CRB1: variants seen among roughly 807,000 people sequenced by gnomAD.
The protein encoded by CRB1 is crumbs cell polarity complex component 1, also known as protein crumbs homolog 1.
Under a neutral mutation model 120.0 loss-of-function variants are expected in CRB1, and 83 were observed. The ratio of observed to expected loss-of-function variants is 0.69; its 90% confidence interval spans 0.58 to 0.83. The LOEUF (loss-of-function observed/expected upper bound fraction) is 0.83, where lower values mean the gene tolerates loss of function less well. Among genes scored for constraint, CRB1 ranks in the 40% least tolerant of loss-of-function variants. The pLI, the probability that CRB1 is intolerant of heterozygous loss-of-function variation, is 0.00. For missense variants in CRB1, 1,699 were observed against 1,687.6 expected (o/e 1.01, Z -0.12); for synonymous variants, 625 against 612.5 (o/e 1.02, Z -0.30).
chr1:197,357,242 A>G (rs1660536062), intron 5 of CRB1: 2 of 603,092 alleles, frequency 3.3e-6, no homozygotes, highest in Non-Finnish European at 6.0e-6. Flanking sequence ...AAGGGATGAC[A>G]TTTTTATATG....
the CRB1 span, among the ~76,000 whole-genome samples, chr1:197,252,690 C>T: frequency 1.4e-5 from 2 of 147,888 alleles, no homozygotes; most frequent in Non-Finnish European, 3.0e-5. Context: ...GGAATTGGCT[C>T]ATGTGATTAT....
intron 5 of CRB1, among the ~76,000 whole-genome samples, chr1:197,365,890 C>T (rs560690009): frequency 7.2e-5 from 11 of 152,108 alleles, no homozygotes; most frequent in Middle Eastern, 3.4e-3. Context: ...CTTCCTCTTC[C>T]ACCTTTCAGA....
intron 4 of CRB1, among the ~76,000 whole-genome samples, chr1:197,353,558 T>C (rs1251587700): frequency 6.6e-6 from 1 of 152,162 alleles, no homozygotes; most frequent in African/African-American, 2.4e-5. Flanking sequence ...CCTAGCACTT[T>C]GGGAGGCCGA....
chr1:197,422,490 G>T (rs941095058), intron 6 of CRB1, among the ~76,000 whole-genome samples: 1 of 149,194 alleles, frequency 6.7e-6, no homozygotes, highest in Non-Finnish European at 1.5e-5. Flanking sequence ...TTATTCAAAG[G>T]TATCTTTTCC....
At chr1:197,290,907 G>A (rs143153441) in intron 1 of CRB1, among the ~76,000 whole-genome samples, 1 of 151,598 alleles carries the variant, frequency 6.6e-6, no homozygotes, top group East Asian at 2.0e-4. Context: ...CTGGCTCTCT[G>A]GTACTAAATG....
At chr1:197,202,273 C>A in the CRB1 span, among the ~76,000 whole-genome samples, 1 of 152,054 alleles carries the variant, frequency 6.6e-6, no homozygotes, top group East Asian at 1.9e-4. Context: ...TGCCTGTCTC[C>A]GATTTTCTTG....
chr1:197,252,939 T>G, the CRB1 span, among the ~76,000 whole-genome samples: 3 of 151,874 alleles, frequency 2.0e-5, no homozygotes, highest in Non-Finnish European at 4.4e-5. Flanking sequence ...GCAGATCTTC[T>G]TTACTCAGAT....
intron 2 of CRB1, among the ~76,000 whole-genome samples, chr1:197,342,588 T>C (rs1558066525): frequency 6.6e-6 from 1 of 152,212 alleles, no homozygotes; most frequent in Non-Finnish European, 1.5e-5. Flanking sequence ...TTTGACACGC[T>C]GGCTGCTCCA....
At chr1:197,211,943 G>A in the CRB1 span, among the ~76,000 whole-genome samples, 130 of 151,742 alleles carry the variant, frequency 8.6e-4, 1 homozygote, top group African/African-American at 3.0e-3. Context: ...TCAATGAGAC[G>A]AAACATATAT....
At chr1:197,292,520 A>T (rs1301508923) in intron 1 of CRB1, among the ~76,000 whole-genome samples, 3 of 152,114 alleles carry the variant, frequency 2.0e-5, no homozygotes, top group Non-Finnish European at 4.4e-5. Flanking sequence ...AGATATTCAA[A>T]TCAATAGAAA....
chr1:197,362,190 T>G (rs1230580758), intron 5 of CRB1, among the ~76,000 whole-genome samples: 1 of 152,158 alleles, frequency 6.6e-6, no homozygotes, highest in Non-Finnish European at 1.5e-5. Context: ...GATGCCATTA[T>G]GATTAGAGAA....
At chr1:197,270,674 A>T (rs1242460437) in intron 1 of CRB1, among the ~76,000 whole-genome samples, 1 of 152,108 alleles carries the variant, frequency 6.6e-6, no homozygotes, top group Non-Finnish European at 1.5e-5. Flanking sequence ...ATTTATTATT[A>T]ATTCCATTTT....
At chr1:197,398,311 T>G (rs1203515512) in intron 5 of CRB1, among the ~76,000 whole-genome samples, 3 of 152,200 alleles carry the variant, frequency 2.0e-5, no homozygotes, top group Non-Finnish European at 2.9e-5. Context: ...CTTTCTCATT[T>G]TCTATTTACT....
At chr1:197,252,233 T>C in the CRB1 span, among the ~76,000 whole-genome samples, 3 of 151,918 alleles carry the variant, frequency 2.0e-5, no homozygotes, top group African/African-American at 7.2e-5. Flanking sequence ...GAAACTTGAA[T>C]TTTATATAAT....
chr1:197,270,552 T>C (rs1654851091), intron 1 of CRB1, among the ~76,000 whole-genome samples: 1 of 152,202 alleles, frequency 6.6e-6, no homozygotes, highest in Non-Finnish European at 1.5e-5. Context: ...ATCAGAATAG[T>C]TAAATATAAA....
chr1:197,415,155 T>C (rs2821106), intron 5 of CRB1, among the ~76,000 whole-genome samples: 139,229 of 152,258 alleles, frequency 0.91, 63,890 homozygotes, highest in East Asian at 1. Flanking sequence ...ATAGAAAGCA[T>C]GACCATCTGC....
intron 11 of CRB1, among the ~76,000 whole-genome samples, chr1:197,475,810 TC>T (rs2125570171): frequency 6.6e-6 from 1 of 152,332 alleles, no homozygotes; most frequent in East Asian, 1.9e-4. Flanking sequence ...CCAACTCTTT[TC>T]ACCCTTTCCC....
At chr1:197,343,860 T>A (rs1366209818) in intron 2 of CRB1, among the ~76,000 whole-genome samples, 1 of 152,212 alleles carries the variant, frequency 6.6e-6, no homozygotes, top group Non-Finnish European at 1.5e-5. Flanking sequence ...AATAAGTGGC[T>A]GTGCCAGGAT....
At chr1:197,325,824 G>A (rs1241404696) in intron 1 of CRB1, among the ~76,000 whole-genome samples, 1 of 151,982 alleles carries the variant, frequency 6.6e-6, no homozygotes, top group Non-Finnish European at 1.5e-5. Flanking sequence ...TAAATATGAG[G>A]CATATTAAAA....
Sources: allele counts gnomAD v4.1 joint callset (sites outside exome capture counted in the v4.1 genomes callset), GRCh38; gene constraint gnomAD v4.1.1; transcripts MANE v1.5; gene names NCBI Gene and HGNC (gene_info 2026-07-23, HGNC 2026-07-21).